The following KCND3 variants were observed in gnomAD, a reference collection of about 807,000 sequenced individuals.
The protein encoded by KCND3 is potassium voltage-gated channel subfamily D member 3, also known as A-type voltage-gated potassium channel KCND3.
KCND3 carries 9 observed loss-of-function variants against 51.1 expected under a neutral mutation model. The observed-to-expected ratio is 0.18, with a 90% CI of 0.11 to 0.31. The LOEUF (loss-of-function observed/expected upper bound fraction) is 0.31. Among genes scored for constraint, KCND3 ranks in the 10% least tolerant of loss-of-function variants. KCND3 has a pLI of 1.00. For synonymous variants in KCND3, 349 were observed against 368.0 expected, an observed-to-expected ratio of 0.95 and a Z score of 0.59; for missense variants, 526 against 903.8, an observed-to-expected ratio of 0.58 and a Z score of 5.36.
At chr1:111,918,381 G>A (rs1671320848) in intron 2 of KCND3, among the ~76,000 whole-genome samples, 1 of 152,338 alleles carries the variant, frequency 6.6e-6, no homozygotes. Flanking sequence ...TAAATTAATT[G>A]ATAGGCATAG....
chr1:111,859,098 A>C (rs1159455960), intron 2 of KCND3, among the ~76,000 whole-genome samples: 1 of 152,178 alleles, frequency 6.6e-6, no homozygotes, highest in African/African-American at 2.4e-5. Flanking sequence ...AAATTTGATC[A>C]TGTCTGTCTC....
At chr1:111,843,475 A>G (rs552403662) in intron 2 of KCND3, among the ~76,000 whole-genome samples, 10 of 152,340 alleles carry the variant, frequency 6.6e-5, no homozygotes, top group African/African-American at 2.4e-4. Context: ...AGGAGAGCTA[A>G]AAACAAAGCC....
rs144159506 is a variant in KCND3, at chr1:111,772,647, C to T, written c.*3430G>A. On this transcript the variant is annotated 3_prime_UTR_variant, in exon 8 of 8. Coordinates refer to ENST00000302127, the MANE Select transcript of KCND3 (RefSeq NM_001378969.1). ...TTTCTCTGGGTCTCAGTTTTCTATA[C>T]TGTAAAATGAATTAGATATTCTTAA... The T allele has an allele frequency of 1.3e-5, 2 of 152,332 alleles. No homozygotes were observed. The highest frequency in any genetic ancestry group is 3.9e-4 in the East Asian group (2 of 5,190). The allele number at this position is 152,332 out of a possible 1,614,324, so 9.4% of individuals were successfully genotyped here.
Position 111,848,478 on chromosome 1 carries a change from C to G in KCND3, c.1107-61372G>C, listed in dbSNP as rs1455125826. 2.6e-5 allele frequency among the ~76,000 whole-genome samples: 4 copies of G among 152,212 alleles called. No individual in the cohort carries two copies. In the East Asian group the frequency reaches 7.7e-4, roughly 29 times the overall value. On this transcript the variant is annotated intron_variant, in intron 2 of 7. Coordinates refer to ENST00000302127, the MANE Select transcript of KCND3 (RefSeq NM_001378969.1). ...CCCCTCCCCTAGGTGCTGATCTCCACCCTGAAGTGACTCTCAGGTATCTGT... is the reference window on the plus strand; with the variant it reads ...CCCCTCCCCTAGGTGCTGATCTCCAGCCTGAAGTGACTCTCAGGTATCTGT...
In KCND3 at chr1:111,780,592, A is replaced by G; in HGVS notation, c.1371+98T>C. The G allele has an allele frequency of 9.1e-7, 1 of 1,098,272 alleles. No individual in the cohort carries two copies. The highest frequency in any genetic ancestry group is 1.4e-6 in the Non-Finnish European group (1 of 734,878). 68.0% of individuals were successfully genotyped at this position (1,098,272 alleles called of 1,614,324 possible). A position where few individuals can be genotyped will look rare whatever the true frequency, so the allele number is the denominator to read the frequency against. On this transcript the variant is annotated intron_variant, in intron 4 of 7. Coordinates refer to ENST00000302127, the MANE Select transcript of KCND3 (RefSeq NM_001378969.1). This position sits in a 1 kb window ranked among gnomAD's most constrained non-coding sequence, Gnocchi z 4.2. ...TGGAAACGTGTCCTCCTTGGGGTTC[A>G]TACTGGGGCTCTGGTGAGAGTGCTG... is the stretch of plus-strand genomic sequence containing the variant.
At chr1:111,914,362 G>A (rs750167613) in intron 2 of KCND3, among the ~76,000 whole-genome samples, 5 of 150,908 alleles carry the variant, frequency 3.3e-5, no homozygotes, top group Non-Finnish European at 5.9e-5. Flanking sequence ...AAAAAGAAGA[G>A]AAACACAGAA....
intron 2 of KCND3, among the ~76,000 whole-genome samples, chr1:111,891,138 A>C (rs2101762075): frequency 6.6e-6 from 1 of 152,262 alleles, no homozygotes; most frequent in Admixed American, 6.5e-5. Context: ...CTATTTCCTA[A>C]ATCTGAGGCC....
At chr1:111,843,760 C>T (rs547823308) in intron 2 of KCND3, among the ~76,000 whole-genome samples, 11 of 152,278 alleles carry the variant, frequency 7.2e-5, no homozygotes, top group African/African-American at 2.2e-4. Context: ...TCCCCTTACA[C>T]GGTGTTACTG....
chr1:111,848,587 A>C (rs1018198787), intron 2 of KCND3, among the ~76,000 whole-genome samples: 1 of 152,200 alleles, frequency 6.6e-6, no homozygotes, highest in African/African-American at 2.4e-5. Flanking sequence ...TTCCCTAGGC[A>C]CTGCACAAGC....
intron 2 of KCND3, among the ~76,000 whole-genome samples, chr1:111,854,449 G>A (rs1199780765): frequency 6.6e-6 from 1 of 152,152 alleles, no homozygotes; most frequent in African/African-American, 2.4e-5. Context: ...TGTGGCTAGA[G>A]GGGCTTAGCC....
chr1:111,975,767 G>A (rs568625422), intron 2 of KCND3, among the ~76,000 whole-genome samples: 9 of 152,300 alleles, frequency 5.9e-5, no homozygotes, highest in African/African-American at 2.2e-4. Flanking sequence ...TGCTCTTGCA[G>A]CTTGACCATT....
At chr1:111,895,961 G>A (rs1670089662) in intron 2 of KCND3, among the ~76,000 whole-genome samples, 1 of 152,244 alleles carries the variant, frequency 6.6e-6, no homozygotes, top group East Asian at 1.9e-4. Flanking sequence ...AAGCAGTTCT[G>A]CCATCCCCTC....
At chr1:111,926,601 G>T (rs1283593844) in intron 2 of KCND3, among the ~76,000 whole-genome samples, 1 of 152,256 alleles carries the variant, frequency 6.6e-6, no homozygotes, top group East Asian at 1.9e-4. Context: ...TGTTCTCACG[G>T]TAGAACACTG....
intron 3 of KCND3, among the ~76,000 whole-genome samples, chr1:111,781,039 C>T (rs1664361151): frequency 6.6e-6 from 1 of 152,190 alleles, no homozygotes; most frequent in South Asian, 2.1e-4. Flanking sequence ...ATCACTCATC[C>T]AAGCTCTCTT....
At chr1:111,842,527 C>T (rs1667372192) in intron 2 of KCND3, among the ~76,000 whole-genome samples, 1 of 152,146 alleles carries the variant, frequency 6.6e-6, no homozygotes, top group African/African-American at 2.4e-5. Flanking sequence ...GCTGGAAAAA[C>T]CATCTCAGCT....
chr1:111,950,147 G>A (rs1045728883), intron 2 of KCND3, among the ~76,000 whole-genome samples: 1 of 152,210 alleles, frequency 6.6e-6, no homozygotes, highest in Non-Finnish European at 1.5e-5. Context: ...CTCACCTCAG[G>A]TGATCCACCT....
rs1250382545 is a variant in KCND3 at position 111,975,528 on chromosome 1, C to G, written c.1106+6093G>C. Reference sequence around the variant, plus strand: ...CTGCCACCACCCTCAGTCCCAGCCACCTTGATTTCTTGCCTGGATTATTGT... The same window carrying G: ...CTGCCACCACCCTCAGTCCCAGCCAGCTTGATTTCTTGCCTGGATTATTGT... On this transcript the variant is annotated intron_variant, in intron 2 of 7. Coordinates refer to ENST00000302127, the MANE Select transcript of KCND3 (RefSeq NM_001378969.1). Among the ~76,000 whole-genome samples, 3 of 152,198 alleles carry G rather than the reference C, an allele frequency of 2.0e-5. No homozygotes were observed. The East Asian group carries it at 5.8e-4, about 29-fold the overall frequency.
At chr1:111,968,359 G>A (rs1674122840) in intron 2 of KCND3, among the ~76,000 whole-genome samples, 1 of 151,658 alleles carries the variant, frequency 6.6e-6, no homozygotes, top group African/African-American at 2.4e-5. Context: ...CACAGAAGAA[G>A]GGAAAAAAGA....
At chr1:111,843,180 C>T (rs1264612955) in intron 2 of KCND3, among the ~76,000 whole-genome samples, 4 of 152,258 alleles carry the variant, frequency 2.6e-5, no homozygotes, top group Non-Finnish European at 5.9e-5. Flanking sequence ...ATGAGAGAAT[C>T]AGAACAGTCT....
Sources: allele counts gnomAD v4.1 joint callset (sites outside exome capture counted in the v4.1 genomes callset), GRCh38; gene constraint gnomAD v4.1.1; non-coding constraint Gnocchi (gnomAD v3.1); transcripts MANE v1.5; gene names NCBI Gene and HGNC (gene_info 2026-07-23, HGNC 2026-07-21).